TIAM1: variants seen among roughly 807,000 people sequenced by gnomAD.
TIAM1 encodes the protein rho guanine nucleotide exchange factor TIAM1.
In TIAM1, 65 loss-of-function variants were observed where a neutral mutation model predicts 163.5. That is an observed-to-expected ratio of 0.40 (90% CI 0.33 to 0.49). The LOEUF is 0.49. Among genes scored for constraint, TIAM1 ranks in the 20% least tolerant of loss-of-function variants. TIAM1 has a pLI of 0.77. For synonymous variants in TIAM1, 833 were observed against 810.1 expected (o/e 1.03, Z -0.48); for missense variants, 1,789 against 2,044.7 (o/e 0.87, Z 2.41).
At chr21:31,279,116 C>G (rs1395051746) in intron 2 of TIAM1, among the ~76,000 whole-genome samples, 1 of 150,342 alleles carries the variant, frequency 6.7e-6, no homozygotes, top group Admixed American at 6.6e-5. Context: ...AGTCCCTGAA[C>G]AAAAAAATAT....
intron 4 of TIAM1, among the ~76,000 whole-genome samples, chr21:31,252,808 G>C (rs2071887897): frequency 1.3e-5 from 2 of 152,160 alleles, no homozygotes; most frequent in Admixed American, 6.5e-5. Context: ...AATCAGATTC[G>C]CTTCTTGAAA....
chr21:31,190,088 C>T (rs774875024), intron 13 of TIAM1, among the ~76,000 whole-genome samples: 38 of 151,924 alleles, frequency 2.5e-4, no homozygotes, highest in African/African-American at 8.0e-4. Flanking sequence ...ATCAGGAGAA[C>T]GAAGGAAGTG....
At chr21:31,487,253 C>A (rs926874865) in intron 1 of TIAM1, among the ~76,000 whole-genome samples, 61 of 152,224 alleles carry the variant, frequency 4.0e-4, no homozygotes, top group Admixed American at 3.8e-3. Flanking sequence ...AGGCACAGGA[C>A]AGCCCCCACG....
At chr21:31,135,259 G>A (rs2082574581) in intron 23 of TIAM1, among the ~76,000 whole-genome samples, 1 of 152,166 alleles carries the variant, frequency 6.6e-6, no homozygotes, top group Admixed American at 6.5e-5. Context: ...TAAATTATAT[G>A]CTAACCCATG....
intron 14 of TIAM1, 103 bp downstream of exon 14, chr21:31,186,898 T>G (rs2085331706): frequency 1.0e-6 from 1 of 976,764 alleles, no homozygotes; most frequent in Non-Finnish European, 1.6e-6. Context: ...GTTCAAATAC[T>G]TTCCACAAAT....
chr21:31,353,861 C>T, intron 2 of TIAM1, among the ~76,000 whole-genome samples: 1 of 15,010 alleles, frequency 6.7e-5, no homozygotes, highest in Admixed American at 1.6e-3. Context: ...TTTTTTGAGA[C>T]AGAGTCTCAC....
At chr21:31,466,692 G>T (rs761320549) in intron 1 of TIAM1, among the ~76,000 whole-genome samples, 11 of 152,176 alleles carry the variant, frequency 7.2e-5, no homozygotes, top group Non-Finnish European at 1.5e-4. Context: ...TCAGTGGGGT[G>T]AGTTGTAGCT....
intron 2 of TIAM1, among the ~76,000 whole-genome samples, chr21:31,426,594 T>G (rs1216003205): frequency 6.6e-6 from 1 of 152,148 alleles, no homozygotes; most frequent in Non-Finnish European, 1.5e-5. Context: ...TAATAACTGA[T>G]TCAGAAACTC....
chr21:31,332,444 G>A (rs749498470), intron 2 of TIAM1, among the ~76,000 whole-genome samples: 7 of 152,074 alleles, frequency 4.6e-5, no homozygotes, highest in Non-Finnish European at 1.0e-4. Context: ...GAAGAGCCCA[G>A]GATAAGAACT....
At chr21:31,460,352 C>A (rs2045277443) in intron 2 of TIAM1, among the ~76,000 whole-genome samples, 1 of 152,190 alleles carries the variant, frequency 6.6e-6, no homozygotes, top group African/African-American at 2.4e-5. Context: ...CAAGGTTGGG[C>A]GTGGTGGCTC....
chr21:31,489,118 G>A (rs1265056360), intron 1 of TIAM1, among the ~76,000 whole-genome samples: 1 of 151,096 alleles, frequency 6.6e-6, no homozygotes, highest in African/African-American at 2.4e-5. Flanking sequence ...GCCTGCAATT[G>A]CAGCAATTTG....
chr21:31,424,849 G>A (rs1055167898), intron 2 of TIAM1, among the ~76,000 whole-genome samples: 4 of 151,976 alleles, frequency 2.6e-5, no homozygotes, highest in Admixed American at 6.6e-5. Context: ...TCAGGAGTTC[G>A]AGACCAGCCT....
chr21:31,158,236 A>G (rs1017798392), intron 16 of TIAM1, among the ~76,000 whole-genome samples: 9 of 152,132 alleles, frequency 5.9e-5, no homozygotes, highest in Non-Finnish European at 8.8e-5. Context: ...ACAGCCAGAG[A>G]TAAGTTCTGG....
chr21:31,383,925 G>C (rs1448378429), intron 2 of TIAM1, among the ~76,000 whole-genome samples: 1 of 152,078 alleles, frequency 6.6e-6, no homozygotes, highest in Non-Finnish European at 1.5e-5. Flanking sequence ...AGAACAATCT[G>C]GGCCAATGGA....
intron 2 of TIAM1, among the ~76,000 whole-genome samples, chr21:31,364,195 C>A (rs1169498420): frequency 6.6e-6 from 1 of 152,182 alleles, no homozygotes; most frequent in Non-Finnish European, 1.5e-5. Context: ...ATAGTATCCC[C>A]CGTTCCTAAA....
intron 1 of TIAM1, among the ~76,000 whole-genome samples, chr21:31,497,994 T>C (rs1013318963): frequency 1.3e-5 from 2 of 152,220 alleles, no homozygotes; most frequent in African/African-American, 4.8e-5. Flanking sequence ...ATATTGCTGG[T>C]TCTGTGACTG....
chr21:31,218,378 G>A (rs987502165), intron 8 of TIAM1, among the ~76,000 whole-genome samples: 2 of 152,054 alleles, frequency 1.3e-5, no homozygotes, highest in African/African-American at 2.4e-5. Context: ...GACCAGCCTG[G>A]CCAACATGGT....
chr21:31,523,262 T>G (rs145786486), intron 1 of TIAM1, among the ~76,000 whole-genome samples: 2 of 152,338 alleles, frequency 1.3e-5, no homozygotes, highest in African/African-American at 4.8e-5. Flanking sequence ...CAATTTTCAC[T>G]AAATATAGCC....
chr21:31,340,067 T>C (rs369804070), intron 1 of TIAM1, among the ~76,000 whole-genome samples: 80 of 152,066 alleles, frequency 5.3e-4, no homozygotes, highest in African/African-American at 1.9e-3. Flanking sequence ...ACCCAAAATG[T>C]AAACCAAGAC....
Sources: gnomAD v4.1 joint callset for allele counts (sites outside exome capture counted in the v4.1 genomes callset) on GRCh38, gnomAD v4.1.1 for gene constraint, MANE v1.5 for transcripts, NCBI Gene and HGNC (gene_info 2026-07-23, HGNC 2026-07-21) for gene names.